Variants in CYREN observed in about 807,000 individuals in gnomAD.
The protein encoded by CYREN is cell cycle regulator of NHEJ.
In CYREN, 7 loss-of-function variants were observed where a neutral mutation model predicts 9.7. The ratio of observed to expected loss-of-function variants is 0.72; its 90% confidence interval spans 0.41 to 1.36. The LOEUF (loss-of-function observed/expected upper bound fraction) is 1.36. Among genes scored for constraint, CYREN ranks in the 40% most tolerant of loss-of-function variants. The probability of loss-of-function intolerance (pLI) is 0.01; values close to 1 mark genes in which losing one functional copy is unlikely to be tolerated. For synonymous variants in CYREN, 76 were observed against 77.9 expected (o/e 0.98, Z 0.13); for missense variants, 215 against 198.1 (o/e 1.09, Z -0.51).
intron 2 of CYREN, among the ~76,000 whole-genome samples, chr7:135,156,862 T>C (rs1585349656): frequency 6.6e-6 from 1 of 152,034 alleles, no homozygotes; most frequent in Non-Finnish European, 1.5e-5. Flanking sequence ...CCAGGGGAGG[T>C]AACTGAATCA....
At position 135,130,883 on chromosome 7, in the gene CYREN, T is replaced by C. The variant is rs146711677; in HGVS notation, n.357-36301A>G. Among the ~76,000 whole-genome samples the C allele has an allele frequency of 2.6e-3, 399 of 152,300 alleles. 1 individual carries two copies. Among genetic ancestry groups the C allele is most frequent in the African/African-American group, 8.8e-3 (366 of 41,568 alleles). On this transcript the variant is annotated intron_variant and non_coding_transcript_variant, in intron 2 of 2. Transcript: ENST00000459937. ...GGGTTTTGTTGGCCTTTTGAAAAAT[T>C]GTCTTTCGTTATCGTTGGTGGGTGG...
chr7:135,155,101 TCTTA>T (rs1298934456), intron 2 of CYREN, among the ~76,000 whole-genome samples: 2 of 152,248 alleles, frequency 1.3e-5, no homozygotes, highest in Non-Finnish European at 2.9e-5. Context: ...TTATCTTTTT[TCTTA>T]CTATTTTTAA....
intron 2 of CYREN, among the ~76,000 whole-genome samples, chr7:135,123,428 C>G (rs190657243): frequency 2.4e-4 from 37 of 152,214 alleles, no homozygotes; most frequent in Admixed American, 5.9e-4. Flanking sequence ...ATCAGAGTAC[C>G]TGAGGGAGAC....
intron 2 of CYREN, among the ~76,000 whole-genome samples, chr7:135,098,987 T>C (rs1278822996): frequency 6.6e-6 from 1 of 152,210 alleles, no homozygotes; most frequent in Admixed American, 6.5e-5. Flanking sequence ...ACTATTAATC[T>C]GTTCTACTAT....
At chr7:135,159,721 T>A (rs1829880273) in intron 2 of CYREN, among the ~76,000 whole-genome samples, 1 of 152,130 alleles carries the variant, frequency 6.6e-6, no homozygotes, top group South Asian at 2.1e-4. Flanking sequence ...AAACTGAAAC[T>A]CAAAATTATT....
intron 2 of CYREN, among the ~76,000 whole-genome samples, chr7:135,138,765 C>T (rs958296983): frequency 2.6e-5 from 4 of 151,936 alleles, no homozygotes; most frequent in African/African-American, 9.7e-5. Flanking sequence ...CTCAAGTAGG[C>T]CCTAGTGTCT....
At chr7:135,133,835 A>G (rs1187090597) in intron 2 of CYREN, among the ~76,000 whole-genome samples, 2 of 152,174 alleles carry the variant, frequency 1.3e-5, no homozygotes, top group African/African-American at 4.8e-5. Context: ...ATGTCATTGA[A>G]TGGATGAATT....
intron 1 of CYREN, among the ~76,000 whole-genome samples, chr7:135,169,719 C>CA (rs1231567698): frequency 6.6e-6 from 1 of 152,138 alleles, no homozygotes; most frequent in African/African-American, 2.4e-5. Flanking sequence ...GCTCAGTCCT[C>CA]ACCCAGAGAG....
intron 2 of CYREN, among the ~76,000 whole-genome samples, chr7:135,155,896 C>T (rs1025080144): frequency 2.6e-5 from 4 of 152,190 alleles, no homozygotes; most frequent in African/African-American, 9.7e-5. Context: ...GTTTAAGATC[C>T]TTTTGAGCAT....
upstream of CYREN, chr7:135,170,850 G>C (rs1466560749): frequency 6.6e-6 from 1 of 152,054 alleles, no homozygotes; most frequent in Non-Finnish European, 1.5e-5. Context: ...TGCCTCAGTC[G>C]GAGGTCCGCG....
rs1167936702 is a variant in CYREN at position 135,096,558 on chromosome 7, A to AAGAT, written n.357-1980_357-1977dup. On this transcript the variant is annotated intron_variant and non_coding_transcript_variant, in intron 2 of 2. Coordinates refer to the CYREN transcript ENST00000459937. The stretch of plus-strand genomic sequence containing the variant: ...AAAAAGAAAAAGAAAGAAAGAAAGA[A>AAGAT]AGATAGATAGATAGATAGATAGATA... Among the ~76,000 whole-genome samples, 159 of 79,782 alleles carry AAGAT rather than the reference A, an allele frequency of 2.0e-3. 1 individual carries two copies. The highest frequency in any genetic ancestry group is 5.7e-3 in the African/African-American group (124 of 21,640). 52.3% of individuals were successfully genotyped at this position (79,782 alleles called of 152,430 possible).
intron 2 of CYREN, among the ~76,000 whole-genome samples, chr7:135,145,974 T>TG (rs1334007449): frequency 1.3e-5 from 2 of 152,232 alleles, no homozygotes; most frequent in Non-Finnish European, 2.9e-5. Flanking sequence ...AACAATCATC[T>TG]GAACCTTTGC....
At chr7:135,136,580 G>A (rs1397047476) in intron 2 of CYREN, among the ~76,000 whole-genome samples, 1 of 152,096 alleles carries the variant, frequency 6.6e-6, no homozygotes, top group African/African-American at 2.4e-5. Context: ...TAGGTGCTCG[G>A]GCTTGGGAAA....
intron 3 of CYREN, chr7:135,167,400 A>G: frequency 8.7e-7 from 1 of 1,150,910 alleles, no homozygotes; most frequent in Non-Finnish European, 1.1e-6. Flanking sequence ...CATCTACCCA[A>G]CTGGGAACCT....
rs377128012 is a variant in CYREN at position 135,112,601 on chromosome 7, T to C, written n.357-18019A>G. ...CCCCATCTATAAGTATGGCTATAAG[T>C]ATATGTATGTAGTGAGTGCCCTGGT... On this transcript the variant is annotated intron_variant and non_coding_transcript_variant, in intron 2 of 2. Coordinates refer to the CYREN transcript ENST00000459937. Among the ~76,000 whole-genome samples, 10 of 152,342 alleles carry C rather than the reference T, an allele frequency of 6.6e-5. No individual in the cohort carries two copies. In the East Asian group the frequency reaches 1.9e-3, roughly 29 times the overall value.
intron 2 of CYREN, chr7:135,115,787 A>C: frequency 1.8e-6 from 1 of 557,332 alleles, no homozygotes; most frequent in South Asian, 2.6e-5. Context: ...GGATAAATGA[A>C]GGAGTAAGTT....
rs541350106 is a variant in CYREN at position 135,116,800 on chromosome 7, G to T, written n.357-22218C>A. Among the ~76,000 whole-genome samples, 29 of 152,274 alleles carry T rather than the reference G, an allele frequency of 1.9e-4. No individual in the cohort carries two copies. The East Asian group carries it at 5.4e-3, about 28-fold the overall frequency. On this transcript the variant is annotated intron_variant and non_coding_transcript_variant, in intron 2 of 2. Transcript: ENST00000459937. ...CTGTGGTGCTTGGCTGGAGTACAGT[G>T]GTTATTGCCTAACATTTTCTATATC...
At chr7:135,146,196 T>C (rs962360299) in intron 2 of CYREN, among the ~76,000 whole-genome samples, 2 of 152,134 alleles carry the variant, frequency 1.3e-5, no homozygotes, top group Non-Finnish European at 2.9e-5. Flanking sequence ...GAGAGAGAAA[T>C]GGAGGAACGT....
upstream of CYREN, among the ~76,000 whole-genome samples, chr7:135,171,331 A>ATTT (rs1173891428): frequency 4.0e-5 from 6 of 151,076 alleles, no homozygotes; most frequent in East Asian, 7.9e-4. Flanking sequence ...TTTTTTAAAA[A>ATTT]AAAAAGGAAG....
Sources: gnomAD v4.1 joint callset for allele counts (sites outside exome capture counted in the v4.1 genomes callset) on GRCh38, gnomAD v4.1.1 for gene constraint, MANE v1.5 for transcripts, NCBI Gene and HGNC (gene_info 2026-07-23, HGNC 2026-07-21) for gene names.